Variants in SLC5A9 observed in about 807,000 individuals in gnomAD.
The protein encoded by SLC5A9 is solute carrier family 5 member 9, also known as sodium/glucose cotransporter 4.
SLC5A9 carries 59 observed loss-of-function variants against 70.9 expected under a neutral mutation model. The ratio of observed to expected loss-of-function variants is 0.83; its 90% CI spans 0.68 to 1.03. The LOEUF is 1.03. Ranked by LOEUF, SLC5A9 falls within the 50% of genes least tolerant of loss-of-function variation. SLC5A9 has a pLI of 0.00. For synonymous variants in SLC5A9, 340 were observed against 346.5 expected, an observed-to-expected ratio of 0.98 and a Z score of 0.21; for missense variants, 832 against 881.1, an observed-to-expected ratio of 0.94 and a Z score of 0.71.
intron 10 of SLC5A9, among the ~76,000 whole-genome samples, chr1:48,236,999 A>C (rs934181124): frequency 6.6e-6 from 1 of 152,130 alleles, no homozygotes; most frequent in African/African-American, 2.4e-5. Context: ...GTGCATATGA[A>C]CTGGTTTTGC....
At chr1:48,228,696 C>T (rs563567789) in intron 2 of SLC5A9, 154 bp from the exon 3 acceptor site, 21 of 1,268,620 alleles carry the variant, frequency 1.7e-5, no homozygotes, top group Middle Eastern at 1.9e-4. Context: ...CCCCTCCCTG[C>T]GGATATCTGT....
intron 1 of SLC5A9, among the ~76,000 whole-genome samples, chr1:48,223,246 G>A (rs981435828): frequency 2.0e-5 from 3 of 152,016 alleles, no homozygotes; most frequent in African/African-American, 7.3e-5. Context: ...GAGAACTCTT[G>A]ACCCCTGGCC....
chr1:48,244,876 G>GTATATATA (rs1553132196), intron 13 of SLC5A9, among the ~76,000 whole-genome samples: 1 of 11,494 alleles, frequency 8.7e-5, no homozygotes, highest in Non-Finnish European at 1.9e-4. Context: ...GTATGTGTAT[G>GTATATATA]TGTATATATA....
intron 1 of SLC5A9, among the ~76,000 whole-genome samples, chr1:48,223,422 G>A (rs1644099873): frequency 6.6e-6 from 1 of 152,144 alleles, no homozygotes; most frequent in African/African-American, 2.4e-5. Context: ...TTTGGGGTCA[G>A]GGAAACCTGA....
Position 48,237,816 on chromosome 1 carries a change from T to A in SLC5A9, c.1430T>A (p.Leu477Gln). Residue 477 changes from leucine to glutamine, a missense_variant, in exon 11 of 14, where the codon CTG becomes CAG. Physicochemically the swap from Leu to Gln is moderately radical, Grantham distance 113. Coordinates refer to ENST00000438567, the MANE Select transcript of SLC5A9 (RefSeq NM_001011547.3). ...CCACCCATCACCGCTCTCTTCCTGCTGGCCATCTTCTGCAAGAGGGTCACA... is the reference window on the plus strand; with the variant it reads ...CCACCCATCACCGCTCTCTTCCTGCAGGCCATCTTCTGCAAGAGGGTCACA... ...LAPPITALFLLAIFCKRVTEP... is the reference protein window; with the variant it reads ...LAPPITALFLQAIFCKRVTEP... The A allele has an allele frequency of 1.2e-6, 2 of 1,614,122 alleles. No homozygotes were observed. The highest frequency in any genetic ancestry group is 1.1e-5 in the South Asian group (1 of 91,084).
chr1:48,237,891 G>A (rs1179695669), intron 11 of SLC5A9, 44 bp downstream of exon 11: 4 of 1,598,392 alleles, frequency 2.5e-6, no homozygotes, highest in Non-Finnish European at 3.4e-6. Flanking sequence ...AGAGGGGCTG[G>A]AGACCTGGTC....
At position 48,239,195 on chromosome 1, in the gene SLC5A9, T is replaced by G; in HGVS notation, c.1462-127T>G. 1 of 691,804 alleles carries G rather than the reference T, an allele frequency of 1.4e-6. No homozygotes were observed. Among genetic ancestry groups the G allele is most frequent in the Non-Finnish European group, 2.5e-6 (1 of 399,962 alleles). 42.9% of individuals were successfully genotyped at this position (691,804 alleles called of 1,614,324 possible). Reference sequence around the variant, plus strand: ...TATTAATGGAGAACTCATTTTCCCATTAGTAGATGGATTTGCCCAACATGG... The same window carrying G: ...TATTAATGGAGAACTCATTTTCCCAGTAGTAGATGGATTTGCCCAACATGG... On this transcript the variant is annotated intron_variant, in intron 11 of 13. Coordinates refer to ENST00000438567, the MANE Select transcript of SLC5A9 (RefSeq NM_001011547.3). This position sits in a 1 kb window ranked among gnomAD's most constrained non-coding sequence, Gnocchi z 4.2.
chr1:48,232,949 AG>A (rs1644272734), intron 8 of SLC5A9, among the ~76,000 whole-genome samples: 1 of 147,724 alleles, frequency 6.8e-6, no homozygotes, highest in South Asian at 2.2e-4. Context: ...AAGAAGAAGA[AG>A]AAAAAAAGGA....
At chr1:48,247,232 C>T in intron 13 of SLC5A9, 103 bp from the exon 14 acceptor site, 1 of 1,064,916 alleles carries the variant, frequency 9.4e-7, no homozygotes, top group Non-Finnish European at 1.4e-6. Flanking sequence ...ATCAGTATCT[C>T]ACCATCTCTC....
In SLC5A9 at chr1:48,228,956, TAAGG is replaced by T. The variant is rs751296250; in HGVS notation, c.339+6_339+9del. On this transcript the variant is annotated splice_donor_5th_base_variant and intron_variant, in intron 3 of 13. Coordinates refer to ENST00000438567, the MANE Select transcript of SLC5A9 (RefSeq NM_001011547.3). ...GCCGTAGGTGGCTTCGAGTGGAACGTAAGGAAGCTGGCCTGGTTTCTCCAGAATA... is the reference window on the plus strand; with the variant it reads ...GCCGTAGGTGGCTTCGAGTGGAACGTAAGCTGGCCTGGTTTCTCCAGAATA... 6.2e-6 allele frequency: 10 copies of T among 1,613,356 alleles called. No individual in the cohort carries two copies. In the South Asian group the frequency reaches 1.1e-4, roughly 18 times the overall value.
intron 8 of SLC5A9, among the ~76,000 whole-genome samples, chr1:48,233,346 G>A (rs1279395538): frequency 3.4e-5 from 4 of 119,110 alleles, no homozygotes; most frequent in African/African-American, 1.3e-4. Context: ...GAGTGACAGA[G>A]CGTGACTCCA....
chr1:48,230,464 T>C, intron 4 of SLC5A9, 136 bp from the exon 5 acceptor site: 1 of 646,960 alleles, frequency 1.5e-6, no homozygotes, highest in Non-Finnish European at 2.8e-6. Context: ...CTCCTTAGCA[T>C]AGCACTTAAA....
At position 48,224,691 on chromosome 1, in the gene SLC5A9, G is replaced by C. The variant is rs201367688; in HGVS notation, c.163-33G>C. ...GCAGGGCAGAGGTTCAGAGAGTCTTGAGAAATCCTCATCTCATCTATTTCC... is the reference window on the plus strand; with the variant it reads ...GCAGGGCAGAGGTTCAGAGAGTCTTCAGAAATCCTCATCTCATCTATTTCC... On this transcript the variant is annotated intron_variant, in intron 1 of 13. Transcript: ENST00000438567. The C allele has an allele frequency of 8.1e-6, 13 of 1,610,198 alleles. No homozygotes were observed. In the East Asian group the frequency reaches 2.9e-4, roughly 36 times the overall value.
chr1:48,236,859 G>C (rs1300936518), intron 10 of SLC5A9, among the ~76,000 whole-genome samples: 1 of 152,184 alleles, frequency 6.6e-6, no homozygotes, highest in Admixed American at 6.5e-5. Context: ...GCAAAGAGGA[G>C]GGGGATGAGC....
chr1:48,229,188 T>A (rs377359006), intron 3 of SLC5A9, 107 bp from the exon 4 acceptor site: 1 of 1,613,970 alleles, frequency 6.2e-7, no homozygotes, highest in East Asian at 2.2e-5. Flanking sequence ...GTCTCTTATT[T>A]CTCTGTTCGG....
chr1:48,226,057 A>G (rs57791157), intron 2 of SLC5A9, among the ~76,000 whole-genome samples: 3,295 of 152,274 alleles, frequency 0.022, 132 homozygotes, highest in African/African-American at 0.074. Context: ...AAGTAGGAGC[A>G]GGGAGCTCTT....
chr1:48,239,231 G>T lies in SLC5A9; in HGVS notation c.1462-91G>T, dbSNP rs1057481201. On this transcript the variant is annotated intron_variant, in intron 11 of 13. Transcript: ENST00000438567. This position sits in a 1 kb window ranked among gnomAD's most constrained non-coding sequence, Gnocchi z 4.2. ...ATTTGCCCAACATGGCAATAAACCA[G>T]TGGGAGAGAGATTTGGGGAGAGAGT... The T allele has an allele frequency of 1.1e-6, 1 of 932,554 alleles. No individual in the cohort carries two copies. Among genetic ancestry groups the T allele is most frequent in the African/African-American group, 1.7e-5 (1 of 60,512 alleles). 57.8% of individuals were successfully genotyped at this position (932,554 alleles called of 1,614,324 possible). A position where few individuals can be genotyped will look rare whatever the true frequency, so the allele number is the denominator to read the frequency against.
In SLC5A9 at chr1:48,247,800, C is replaced by T; in HGVS notation, c.*257C>T. The T allele has an allele frequency of 3.7e-6, 2 of 541,540 alleles. No individual in the cohort carries two copies. The highest frequency in any genetic ancestry group is 6.6e-6 in the Non-Finnish European group (2 of 300,794). 33.5% of individuals were successfully genotyped at this position (541,540 alleles called of 1,614,324 possible). On this transcript the variant is annotated 3_prime_UTR_variant, in exon 14 of 14. Coordinates refer to ENST00000438567, the MANE Select transcript of SLC5A9 (RefSeq NM_001011547.3). The stretch of plus-strand genomic sequence containing the variant: ...TTCCCCACTCTTTCTGATATATTGC[C>T]TTACAGACCTACCTCAAACACACTG...
intron 9 of SLC5A9, among the ~76,000 whole-genome samples, chr1:48,234,734 G>C (rs902217487): frequency 1.3e-5 from 2 of 152,130 alleles, no homozygotes; most frequent in Non-Finnish European, 2.9e-5. Context: ...TGTGGTAGAA[G>C]GAGGAGTGAA....
Sources: gnomAD v4.1 joint callset for allele counts (sites outside exome capture counted in the v4.1 genomes callset) on GRCh38, gnomAD v4.1.1 for gene constraint, Gnocchi (gnomAD v3.1) non-coding constraint, MANE v1.5 for transcripts, NCBI Gene and HGNC (gene_info 2026-07-23, HGNC 2026-07-21) for gene names.